LRP1B: variants seen among roughly 807,000 people sequenced by gnomAD.
LRP1B encodes low-density lipoprotein receptor-related protein 1B.
A neutral mutation model predicts 556.6 loss-of-function variants in LRP1B; 217 were observed. That is an observed-to-expected ratio of 0.39 (90% confidence interval 0.35 to 0.44). The LOEUF is 0.44. Ranked by LOEUF, LRP1B falls within the 20% of genes least tolerant of loss-of-function variation. LRP1B has a pLI of 1.00. For missense variants in LRP1B, 5,053 were observed against 5,620.8 expected, an observed-to-expected ratio of 0.90 and a Z score of 3.23; for synonymous variants, 2,047 against 1,865.8, an observed-to-expected ratio of 1.10 and a Z score of -2.50.
At chr2:141,876,645 T>C (rs1444183643) in intron 1 of LRP1B, among the ~76,000 whole-genome samples, 1 of 151,990 alleles carries the variant, frequency 6.6e-6, no homozygotes, top group Admixed American at 6.6e-5. Context: ...TTTATAGTAG[T>C]AGTTGACACT....
chr2:141,187,924 C>T (rs1373525056), intron 7 of LRP1B, among the ~76,000 whole-genome samples: 2 of 151,738 alleles, frequency 1.3e-5, no homozygotes, highest in Non-Finnish European at 2.9e-5. Context: ...CAACAGTCAT[C>T]GAACGTAAGA....
intron 32 of LRP1B, among the ~76,000 whole-genome samples, chr2:140,804,628 A>G (rs1248378724): frequency 7.0e-6 from 1 of 142,370 alleles, no homozygotes; most frequent in Admixed American, 7.2e-5. Context: ...AAAGCTTAAG[A>G]GTTAGTGTAG....
intron 80 of LRP1B, 48 bp downstream of exon 80, chr2:140,325,714 A>G (rs1240913326): frequency 8.0e-7 from 1 of 1,252,884 alleles, no homozygotes; most frequent in Non-Finnish European, 1.1e-6. Context: ...ATTAGTATTT[A>G]ACACTCTCAG....
chr2:141,186,586 G>A (rs1052016290), intron 7 of LRP1B, among the ~76,000 whole-genome samples: 20 of 152,010 alleles, frequency 1.3e-4, no homozygotes, highest in African/African-American at 4.8e-4. Context: ...GTGCTATAGA[G>A]ACAGAACTAA....
intron 7 of LRP1B, among the ~76,000 whole-genome samples, chr2:141,071,018 G>T (rs548569533): frequency 5.9e-5 from 9 of 151,962 alleles, no homozygotes; most frequent in African/African-American, 2.2e-4. Context: ...GGCCAGCATC[G>T]TCCTGATACC....
chr2:142,006,611 G>A (rs1702808697), intron 1 of LRP1B, among the ~76,000 whole-genome samples: 3 of 152,182 alleles, frequency 2.0e-5, no homozygotes, highest in Admixed American at 2.0e-4. Context: ...CTGGTCTCTG[G>A]CAGCCAACTG....
intron 25 of LRP1B, among the ~76,000 whole-genome samples, chr2:140,874,502 GA>G (rs1397735073): frequency 2.0e-5 from 3 of 152,072 alleles, no homozygotes; most frequent in Admixed American, 6.5e-5. Flanking sequence ...GTGCAGTGCA[GA>G]AGGTCTTTTC....
intron 2 of LRP1B, among the ~76,000 whole-genome samples, chr2:141,750,278 C>G (rs763217293): frequency 1.3e-5 from 2 of 152,112 alleles, no homozygotes; most frequent in African/African-American, 2.4e-5. Flanking sequence ...AAAGATACCC[C>G]AGATCCACCT....
At chr2:140,545,790 A>G (rs1176910866) in intron 43 of LRP1B, among the ~76,000 whole-genome samples, 2 of 152,044 alleles carry the variant, frequency 1.3e-5, no homozygotes, top group Non-Finnish European at 2.9e-5. Context: ...TTCTAGCTCT[A>G]GGAAGAATTT....
intron 6 of LRP1B, among the ~76,000 whole-genome samples, chr2:141,215,805 C>T (rs995892983): frequency 6.6e-6 from 1 of 152,132 alleles, no homozygotes; most frequent in Admixed American, 6.5e-5. Flanking sequence ...TTCTGACAAC[C>T]AATACTCAGA....
intron 79 of LRP1B, among the ~76,000 whole-genome samples, chr2:140,333,250 TG>T (rs1680904020): frequency 6.6e-6 from 1 of 152,098 alleles, no homozygotes; most frequent in South Asian, 2.1e-4. Flanking sequence ...ATAACTTCTC[TG>T]ATCATAACTA....
intron 2 of LRP1B, among the ~76,000 whole-genome samples, chr2:141,546,796 T>A (rs1685570155): frequency 1.3e-5 from 2 of 152,340 alleles, no homozygotes; most frequent in South Asian, 4.1e-4. Flanking sequence ...ACATCCAGGC[T>A]AGTTAGAAAC....
Position 141,161,685 on chromosome 2 carries a change from A to G in LRP1B, c.1013+26736T>C, listed in dbSNP as rs540646794. On this transcript the variant is annotated intron_variant, in intron 7 of 90. Coordinates refer to ENST00000389484, the MANE Select transcript of LRP1B (RefSeq NM_018557.3). Reference sequence around the variant, plus strand: ...TCCCTTCAGAGCAGAAGGCAGATTTATTGTCCAACCAGAATAATAAAGATA... The same window carrying G: ...TCCCTTCAGAGCAGAAGGCAGATTTGTTGTCCAACCAGAATAATAAAGATA... Among the ~76,000 whole-genome samples the G allele has an allele frequency of 3.3e-5, 5 of 152,252 alleles. No individual in the cohort carries two copies. In the East Asian group the frequency reaches 7.8e-4, roughly 24 times the overall value.
At chr2:140,376,037 T>TA (rs1206694369) in intron 68 of LRP1B, among the ~76,000 whole-genome samples, 79 of 147,630 alleles carry the variant, frequency 5.4e-4, no homozygotes, top group South Asian at 8.5e-4. Context: ...TTCTAGACTG[T>TA]AAAAAAAAAA....
chr2:141,748,812 C>G (rs1694003155), intron 2 of LRP1B, among the ~76,000 whole-genome samples: 1 of 152,136 alleles, frequency 6.6e-6, no homozygotes, highest in Admixed American at 6.6e-5. Flanking sequence ...ACATGCAAAG[C>G]TTTTAAAAGC....
intron 2 of LRP1B, among the ~76,000 whole-genome samples, chr2:141,588,036 C>A (rs1687202165): frequency 6.6e-6 from 1 of 152,180 alleles, no homozygotes; most frequent in African/African-American, 2.4e-5. Context: ...AAATTAAACT[C>A]TTTCTCAAGT....
intron 3 of LRP1B, among the ~76,000 whole-genome samples, chr2:141,451,951 C>A (rs1172925439): frequency 6.6e-6 from 1 of 152,100 alleles, no homozygotes; most frequent in East Asian, 1.9e-4. Context: ...GTTAACCAAG[C>A]TAAATTGAAT....
intron 85 of LRP1B, among the ~76,000 whole-genome samples, chr2:140,272,329 CTAGT>C (rs771838139): frequency 6.6e-6 from 1 of 150,808 alleles, no homozygotes; most frequent in African/African-American, 2.4e-5. Context: ...AAGTTAATTA[CTAGT>C]TATTCAGTCC....
intron 2 of LRP1B, among the ~76,000 whole-genome samples, chr2:141,593,947 C>G (rs1289558604): frequency 1.3e-5 from 2 of 152,096 alleles, no homozygotes; most frequent in Non-Finnish European, 2.9e-5. Flanking sequence ...AGATTGAGAA[C>G]TCATCTTCCT....
Sources: gnomAD v4.1 joint callset for allele counts (sites outside exome capture counted in the v4.1 genomes callset) on GRCh38, gnomAD v4.1.1 for gene constraint, MANE v1.5 for transcripts, NCBI Gene and HGNC (gene_info 2026-07-23, HGNC 2026-07-21) for gene names.